BNC2: variants seen among roughly 807,000 people sequenced by gnomAD.
BNC2 encodes basonuclin zinc finger protein 2, also known as zinc finger protein basonuclin-2.
BNC2 carries 20 observed loss-of-function variants against 76.3 expected under a neutral mutation model. That is an observed-to-expected ratio of 0.26 (90% CI 0.18 to 0.38). BNC2 has a LOEUF of 0.38. Ranked by LOEUF, BNC2 falls within the 10% of genes least tolerant of loss-of-function variation. The probability of loss-of-function intolerance (pLI) is 1.00; values close to 1 mark genes in which losing one functional copy is unlikely to be tolerated. For synonymous variants in BNC2, 582 were observed against 514.8 expected, an observed-to-expected ratio of 1.13 and a Z score of -1.77; for missense variants, 1,382 against 1,399.8, an observed-to-expected ratio of 0.99 and a Z score of 0.20.
chr9:16,761,344 C>T (rs190434227), intron 1 of BNC2, among the ~76,000 whole-genome samples: 1 of 152,288 alleles, frequency 6.6e-6, no homozygotes, highest in African/African-American at 2.4e-5. Flanking sequence ...GCTGCAATTT[C>T]AGAGGTAATT....
In BNC2 at chr9:16,738,454, C is replaced by G. The variant is rs766079461; in HGVS notation, c.35G>C (p.Ser12Thr). ...CCTGTCCTCTGATTTGTAATTAAGG[C>G]TATGTGGAGGTGGGGTGGGCCCAAG... Reference protein sequence around the residue: ...AHLGPTPPPHSLNYKSEDRLS... With the variant: ...AHLGPTPPPHTLNYKSEDRLS... The change falls in exon 2 of 7, where the codon AGC becomes ACC. Residue 12 changes from serine (S) to threonine (T), a missense_variant. Ser to Thr is a moderately conservative substitution (Grantham distance 58). This residue lies in a region of BNC2 where 557 missense variants were observed against 540.9 expected (regional missense o/e 1.03). Transcript: ENST00000380672. 6.2e-7 allele frequency: 1 copy of G among 1,614,088 alleles called. No individual in the cohort carries two copies. Among genetic ancestry groups the G allele is most frequent in the South Asian group, 1.1e-5 (1 of 91,062 alleles).
At chr9:16,460,934 G>A (rs2131228601) in intron 5 of BNC2, among the ~76,000 whole-genome samples, 1 of 151,942 alleles carries the variant, frequency 6.6e-6, no homozygotes, top group South Asian at 2.1e-4. Flanking sequence ...AGGATTAACT[G>A]AAATCTTGAT....
intron 1 of BNC2, among the ~76,000 whole-genome samples, chr9:16,837,489 G>A (rs556890786): frequency 1.3e-5 from 2 of 152,164 alleles, no homozygotes; most frequent in South Asian, 4.2e-4. Flanking sequence ...GGGCGACAGT[G>A]CGAGACTCCA....
chr9:16,788,612 G>C (rs1586884902), intron 1 of BNC2, among the ~76,000 whole-genome samples: 1 of 151,176 alleles, frequency 6.6e-6, no homozygotes, highest in East Asian at 1.9e-4. Flanking sequence ...TTCAATGACA[G>C]TCTACAGTCC....
At chr9:16,617,302 A>G (rs192268630) in intron 3 of BNC2, among the ~76,000 whole-genome samples, 1 of 152,344 alleles carries the variant, frequency 6.6e-6, no homozygotes, top group Admixed American at 6.5e-5. Flanking sequence ...TTGAAAATTA[A>G]TCACTTTGGT....
At chr9:16,735,097 A>G (rs1372056931) in intron 2 of BNC2, among the ~76,000 whole-genome samples, 1 of 152,184 alleles carries the variant, frequency 6.6e-6, no homozygotes, top group Non-Finnish European at 1.5e-5. Flanking sequence ...TTTAAAATAA[A>G]AGGATTTGAG....
intron 5 of BNC2, among the ~76,000 whole-genome samples, chr9:16,508,595 T>C (rs977878044): frequency 2.6e-5 from 4 of 152,204 alleles, no homozygotes; most frequent in Non-Finnish European, 1.5e-5. Context: ...CCAGAATTCT[T>C]TGGTCATGAA....
intron 3 of BNC2, among the ~76,000 whole-genome samples, chr9:16,606,861 G>A (rs946350770): frequency 3.3e-5 from 5 of 152,122 alleles, no homozygotes; most frequent in Admixed American, 3.3e-4. Context: ...CCTGGCCGGC[G>A]ATCTGATGGT....
At chr9:16,671,047 G>T (rs10810585) in intron 3 of BNC2, among the ~76,000 whole-genome samples, 118,868 of 151,888 alleles carry the variant, frequency 0.78, 46,864 homozygotes, top group African/African-American at 0.84. Flanking sequence ...TACGGATCAA[G>T]GGAAATGAGA....
chr9:16,539,299 G>T (rs1379951446), intron 5 of BNC2, among the ~76,000 whole-genome samples: 2 of 151,854 alleles, frequency 1.3e-5, no homozygotes, highest in Admixed American at 6.6e-5. Flanking sequence ...GTGGGCAGAT[G>T]GCTTGAGGTC....
intron 5 of BNC2, among the ~76,000 whole-genome samples, chr9:16,445,065 G>A (rs112567335): frequency 3.3e-5 from 5 of 152,248 alleles, no homozygotes; most frequent in African/African-American, 9.6e-5. Flanking sequence ...GCAAGATGGG[G>A]AGAAGAATAA....
intron 4 of BNC2, among the ~76,000 whole-genome samples, chr9:16,581,481 C>T (rs1370682117): frequency 1.3e-5 from 2 of 152,130 alleles, no homozygotes; most frequent in Non-Finnish European, 2.9e-5. Context: ...CCGCTTGAAC[C>T]CGGGAGTTGG....
chr9:16,503,494 G>A (rs933890008), intron 5 of BNC2, among the ~76,000 whole-genome samples: 1 of 151,990 alleles, frequency 6.6e-6, no homozygotes, highest in African/African-American at 2.4e-5. Flanking sequence ...AAGGCAGTGA[G>A]GAAAGGGGAG....
At chr9:16,496,274 C>A (rs1220995644) in intron 5 of BNC2, among the ~76,000 whole-genome samples, 1 of 152,078 alleles carries the variant, frequency 6.6e-6, no homozygotes, top group Non-Finnish European at 1.5e-5. Context: ...ATAATGATAC[C>A]AGAACCCATA....
intron 1 of BNC2, among the ~76,000 whole-genome samples, chr9:16,768,611 G>A (rs1191952470): frequency 6.6e-6 from 1 of 152,074 alleles, no homozygotes; most frequent in East Asian, 1.9e-4. Context: ...AGAAGAGAAT[G>A]AGGGGGGTGG....
chr9:16,793,866 T>G lies in BNC2; in HGVS notation c.4-55381A>C, dbSNP rs1051430987. Among the ~76,000 whole-genome samples the G allele has an allele frequency of 1.1e-4, 14 of 128,118 alleles. No homozygotes were observed. In the East Asian group the frequency reaches 1.4e-3, roughly 13 times the overall value. 84.1% of individuals were successfully genotyped at this position (128,118 alleles called of 152,430 possible). On this transcript the variant is annotated intron_variant, in intron 1 of 6. Coordinates refer to ENST00000380672, the MANE Select transcript of BNC2 (RefSeq NM_017637.6). The stretch of plus-strand genomic sequence containing the variant: ...TTTGTTTTTTGTGGTTTTTGTTTTT[T>G]TGTTTTTTTTTTTTTTTAGTAGAGA...
At chr9:16,813,679 G>C (rs1287384766) in intron 1 of BNC2, among the ~76,000 whole-genome samples, 1 of 152,170 alleles carries the variant, frequency 6.6e-6, no homozygotes, top group Non-Finnish European at 1.5e-5. Flanking sequence ...CAATTACAAT[G>C]ATTCATTATA....
intron 5 of BNC2, among the ~76,000 whole-genome samples, chr9:16,519,885 T>G (rs1817560722): frequency 6.6e-6 from 1 of 152,190 alleles, no homozygotes; most frequent in African/African-American, 2.4e-5. Flanking sequence ...AAAGGAGTTA[T>G]GTTCCAGTGG....
intron 4 of BNC2, among the ~76,000 whole-genome samples, chr9:16,573,887 T>C (rs896695058): frequency 6.6e-6 from 1 of 152,130 alleles, no homozygotes; most frequent in Admixed American, 6.5e-5. Context: ...TGGTAAGAAA[T>C]GGGATGTATA....
Sources: gnomAD v4.1 joint callset for allele counts (sites outside exome capture counted in the v4.1 genomes callset) on GRCh38, gnomAD v4.1.1 for gene constraint, gnomAD v4.1.1 regional missense constraint, MANE v1.5 for transcripts, NCBI Gene and HGNC (gene_info 2026-07-23, HGNC 2026-07-21) for gene names.